GJC1: variants seen among roughly 807,000 people sequenced by gnomAD.
GJC1 encodes the protein gap junction protein gamma 1.
Under a neutral mutation model 29.3 loss-of-function variants are expected in GJC1, and 5 were observed. The ratio of observed to expected loss-of-function variants is 0.17; its 90% CI spans 0.09 to 0.36. The LOEUF (loss-of-function observed/expected upper bound fraction) is 0.36. Ranked by LOEUF, GJC1 falls within the 10% of genes least tolerant of loss-of-function variation. GJC1 has a pLI of 1.00. For missense variants in GJC1, 310 were observed against 496.2 expected (o/e 0.62, Z 3.56); for synonymous variants, 177 against 183.3 (o/e 0.97, Z 0.28).
intron 1 of GJC1, chr17:44,829,651 C>A (rs946306660): frequency 6.6e-6 from 1 of 152,050 alleles, no homozygotes; most frequent in Non-Finnish European, 1.5e-5. Context: ...CGGCGAGGGG[C>A]GGCCCGGCTC....
At chr17:44,795,272 G>C (rs1251062647), downstream of GJC1, among the ~76,000 whole-genome samples, 1 of 152,130 alleles carries the variant, frequency 6.6e-6, no homozygotes, top group Non-Finnish European at 1.5e-5. Context: ...CTGTTACCCA[G>C]GCTGGAGTGC....
chr17:44,804,946 T>A lies in GJC1; in HGVS notation c.872A>T (p.Asn291Ile). 1 of 1,614,134 alleles carries A rather than the reference T, an allele frequency of 6.2e-7. No homozygotes were observed. Among genetic ancestry groups the A allele is most frequent in the Non-Finnish European group, 8.5e-7 (1 of 1,180,008 alleles). The part of the protein sequence containing the change: ...WNTPSAPPGY[N>I]IAVKPDQIQY... ...GATTTGATCTGGTTTGACAGCAATGTTATAGCCAGGGGGAGCAGATGGTGT... is the reference window on the plus strand; with the variant it reads ...GATTTGATCTGGTTTGACAGCAATGATATAGCCAGGGGGAGCAGATGGTGT... Residue 291 changes from asparagine to isoleucine, a missense_variant, in exon 3 of 3, where the codon AAC (asparagine) becomes ATC (isoleucine). This residue lies in a region of GJC1 where 146 missense variants were observed against 165.0 expected (regional missense o/e 0.88). Transcript: ENST00000592524.
downstream of GJC1, among the ~76,000 whole-genome samples, chr17:44,796,839 G>A (rs888645389): frequency 9.3e-5 from 14 of 151,302 alleles, no homozygotes; most frequent in African/African-American, 2.9e-4. Context: ...ACACACACAC[G>A]TATATATATA....
rs554472294 is a variant in GJC1, at chr17:44,814,508, G to A, written c.-96-7039C>T. Among the ~76,000 whole-genome samples, 15 of 151,870 alleles carry A rather than the reference G, an allele frequency of 9.9e-5. No homozygotes were observed. The South Asian group carries it at 1.9e-3, about 19-fold the overall frequency. Reference sequence around the variant, plus strand: ...TTTTTTAAAGAATGCTGCAATTCACGGAAGCACATAATTCAAAAGGATTCA... The same window carrying A: ...TTTTTTAAAGAATGCTGCAATTCACAGAAGCACATAATTCAAAAGGATTCA... On this transcript the variant is annotated intron_variant, in intron 1 of 2. Transcript: ENST00000592524.
In GJC1 at chr17:44,802,823, C is replaced by T. The variant is rs2049866779; in HGVS notation, c.*1804G>A. 1 of 151,960 alleles carries T rather than the reference C, an allele frequency of 6.6e-6. No individual in the cohort carries two copies. The allele number at this position is 151,960 out of a possible 1,614,324, so 9.4% of individuals were successfully genotyped here. A position where few individuals can be genotyped will look rare whatever the true frequency, so the allele number is the denominator to read the frequency against. On this transcript the variant is annotated 3_prime_UTR_variant, in exon 3 of 3. Coordinates refer to ENST00000592524, the MANE Select transcript of GJC1 (RefSeq NM_005497.4). ...CAGCCTGGGTAACATAGTGAGACCT[C>T]ATCTCTACAAAAAAAATTTTTAAAA...
At chr17:44,819,703 T>TAAAA (rs917523909) in intron 1 of GJC1, among the ~76,000 whole-genome samples, 2 of 142,248 alleles carry the variant, frequency 1.4e-5, no homozygotes, top group South Asian at 2.2e-4. Flanking sequence ...AATAAATAAA[T>TAAAA]AAAAAGAATT....
chr17:44,821,901 A>T (rs1451095885), intron 1 of GJC1, among the ~76,000 whole-genome samples: 3 of 151,490 alleles, frequency 2.0e-5, no homozygotes, highest in Admixed American at 6.6e-5. Context: ...TTATTATAAG[A>T]AACACATATA....
chr17:44,828,832 C>T (rs973897967), intron 1 of GJC1, among the ~76,000 whole-genome samples: 3 of 151,874 alleles, frequency 2.0e-5, no homozygotes, highest in African/African-American at 7.3e-5. Flanking sequence ...TGAATAATAC[C>T]TAAACCCTCT....
rs780744582 is a variant in GJC1 at position 44,800,665 on chromosome 17, TAG to T, written c.*3960_*3961del. 3.9e-5 allele frequency: 6 copies of T among 152,134 alleles called. No homozygotes were observed. The highest frequency in any genetic ancestry group is 6.5e-5 in the Admixed American group (1 of 15,274). 9.4% of individuals were successfully genotyped at this position (152,134 alleles called of 1,614,324 possible). ...TAAGTCCATTCTTCGTATAAACTGC[TAG>T]AGAGTGTTTCAGACCATCACTGATG... On this transcript the variant is annotated 3_prime_UTR_variant, in exon 3 of 3. Transcript: ENST00000592524.
intron 2 of GJC1, among the ~76,000 whole-genome samples, chr17:44,806,221 A>G (rs1438608072): frequency 1.3e-5 from 2 of 152,118 alleles, no homozygotes; most frequent in Non-Finnish European, 2.9e-5. Context: ...CTCAAAAAAA[A>G]AGAATAAACA....
At chr17:44,797,342 G>A (rs1211591265), downstream of GJC1, among the ~76,000 whole-genome samples, 1 of 152,114 alleles carries the variant, frequency 6.6e-6, no homozygotes, top group African/African-American at 2.4e-5. Flanking sequence ...TCCTGACTTC[G>A]TGATCCGCCC....
intron 1 of GJC1, among the ~76,000 whole-genome samples, chr17:44,821,977 C>T (rs2050113308): frequency 6.6e-6 from 1 of 151,604 alleles, no homozygotes; most frequent in Non-Finnish European, 1.5e-5. Context: ...GCAGGTGGAT[C>T]ACAAGGTCAG....
At chr17:44,818,162 G>A (rs1384507884) in intron 1 of GJC1, among the ~76,000 whole-genome samples, 2 of 152,080 alleles carry the variant, frequency 1.3e-5, no homozygotes, top group Admixed American at 6.6e-5. Flanking sequence ...GCAGTGAGCT[G>A]AGATTGCGCC....
At chr17:44,814,921 G>A (rs894388001) in intron 1 of GJC1, among the ~76,000 whole-genome samples, 7 of 151,214 alleles carry the variant, frequency 4.6e-5, no homozygotes, top group Non-Finnish European at 1.0e-4. Flanking sequence ...AAGCATGGGT[G>A]AAAGAGCAAG....
chr17:44,804,291 T>A lies in GJC1; in HGVS notation c.*336A>T. Reference sequence around the variant, plus strand: ...GTTCAATGTACAAATACAAAAAAAGTTCTCATACTAAAAAAAAAAAAGTAC... The same window carrying A: ...GTTCAATGTACAAATACAAAAAAAGATCTCATACTAAAAAAAAAAAAGTAC... On this transcript the variant is annotated 3_prime_UTR_variant, in exon 3 of 3. Transcript: ENST00000592524. 1 of 203,942 alleles carries A rather than the reference T, an allele frequency of 4.9e-6. No individual in the cohort carries two copies. The highest frequency in any genetic ancestry group is 1.5e-4 in the South Asian group (1 of 6,616). The allele number at this position is 203,942 out of a possible 1,614,324, so 12.6% of individuals were successfully genotyped here.
intron 1 of GJC1, among the ~76,000 whole-genome samples, chr17:44,822,718 C>A (rs529876902): frequency 1.0e-3 from 156 of 149,530 alleles, no homozygotes; most frequent in Admixed American, 3.7e-3. Context: ...ATAGAGTACA[C>A]TGAAGAAAGT....
chr17:44,821,697 CAAAAAAAAAAAA>C (rs61303163), intron 1 of GJC1, among the ~76,000 whole-genome samples: 2 of 58,370 alleles, frequency 3.4e-5, no homozygotes, highest in South Asian at 7.6e-4. Flanking sequence ...AACTCCGTCT[CAAAAAAAAAAAA>C]AAAAAAAAAA....
downstream of GJC1, among the ~76,000 whole-genome samples, chr17:44,797,242 A>G (rs1387582298): frequency 6.6e-6 from 1 of 152,054 alleles, no homozygotes; most frequent in Non-Finnish European, 1.5e-5. Context: ...AGTAGCTGGG[A>G]CTACAGGTGC....
intron 1 of GJC1, among the ~76,000 whole-genome samples, chr17:44,816,554 T>G (rs931276969): frequency 6.6e-6 from 1 of 152,060 alleles, no homozygotes; most frequent in African/African-American, 2.4e-5. Context: ...CAGGCTGGAG[T>G]GCAATGGCGA....
Sources: gnomAD v4.1 joint callset for allele counts (sites outside exome capture counted in the v4.1 genomes callset) on GRCh38, gnomAD v4.1.1 for gene constraint, gnomAD v4.1.1 regional missense constraint, MANE v1.5 for transcripts, NCBI Gene and HGNC (gene_info 2026-07-23, HGNC 2026-07-21) for gene names.